HEPH: variants seen among roughly 807,000 people sequenced by gnomAD.
HEPH encodes the protein hephaestin.
Under a neutral mutation model 80.8 loss-of-function variants are expected in HEPH, and 69 were observed. The observed-to-expected ratio is 0.85, with a 90% confidence interval of 0.70 to 1.04. The LOEUF (loss-of-function observed/expected upper bound fraction) is 1.04, where lower values mean the gene tolerates loss of function less well. Ranked by LOEUF, HEPH falls within the 50% of genes least tolerant of loss-of-function variation. The probability of loss-of-function intolerance (pLI) is 0.00; values close to 1 mark genes in which losing one functional copy is unlikely to be tolerated. For missense variants in HEPH, 1,115 were observed against 891.3 expected, an observed-to-expected ratio of 1.25 and a Z score of -3.20; for synonymous variants, 431 against 322.8, an observed-to-expected ratio of 1.34 and a Z score of -3.60.
chrX:66,166,733 TTGTC>T (rs1250800236), intron 1 of HEPH, among the ~76,000 whole-genome samples: 1 of 112,064 alleles, frequency 8.9e-6, no homozygotes, highest in African/African-American at 3.2e-5. Context: ...AAACCTAAGT[TTGTC>T]TGACTCAAAA....
At chrX:66,170,953 C>T (rs2086570342) in intron 2 of HEPH, among the ~76,000 whole-genome samples, 1 of 111,402 alleles carries the variant, frequency 9.0e-6, no homozygotes, top group Non-Finnish European at 1.9e-5. Flanking sequence ...TTTTAGAGTC[C>T]TAAAGAGAAT....
chrX:66,209,713 G>A (rs1192397806), intron 15 of HEPH, among the ~76,000 whole-genome samples: 3 of 111,921 alleles, frequency 2.7e-5, no homozygotes, highest in African/African-American at 9.7e-5. Context: ...GGTGTTTTTG[G>A]AGAAAGATTC....
In HEPH at chrX:66,260,926, A is replaced by G. The variant is rs748238378; in HGVS notation, c.3199+664A>G. Among the ~76,000 whole-genome samples, 9 of 108,961 alleles carry G rather than the reference A, an allele frequency of 8.3e-5. No individual in the cohort carries two copies. In the South Asian group the frequency reaches 3.6e-3, roughly 43 times the overall value. The allele number at this position is 108,961 out of a possible 115,157, so 94.6% of individuals were successfully genotyped here. A position where few individuals can be genotyped will look rare whatever the true frequency, so the allele number is the denominator to read the frequency against. ...GGACTGCAGGAATGTGCCACCACAT[A>G]AGGCTAATTTTTATACTTTTTGTAG... On this transcript the variant is annotated intron_variant, in intron 19 of 20. Coordinates refer to ENST00000343002, the MANE Select transcript of HEPH (RefSeq NM_001367233.3).
intron 15 of HEPH, among the ~76,000 whole-genome samples, chrX:66,208,954 A>G (rs930114574): frequency 2.7e-5 from 3 of 109,487 alleles, no homozygotes; most frequent in African/African-American, 9.9e-5. Flanking sequence ...CCCCAGTCAC[A>G]TACTAAGCTC....
chrX:66,238,783 C>A (rs1401617926), intron 15 of HEPH, among the ~76,000 whole-genome samples: 3 of 111,923 alleles, frequency 2.7e-5, no homozygotes, highest in Admixed American at 9.5e-5. Flanking sequence ...GAGCCCCAAA[C>A]AGAGATTTAC....
chrX:66,189,747 C>A lies in HEPH; in HGVS notation c.872C>A (p.Ala291Asp). Residue 291 changes from alanine (A) to aspartate (D), a missense_variant, in exon 6 of 21, where the codon GCC becomes GAC. Physicochemically the swap from Ala to Asp is moderately radical, Grantham distance 126. Coordinates refer to ENST00000343002, the MANE Select transcript of HEPH (RefSeq NM_001367233.3). Reference sequence around the variant, plus strand: ...AACATGTGTGCACAGAAACGTGTGGCCTGGCACTTGTTTGGCATGGGCAAT... The same window carrying A: ...AACATGTGTGCACAGAAACGTGTGGACTGGCACTTGTTTGGCATGGGCAAT... ...ELNMCAQKRV[A>D]WHLFGMGNEI... 8.3e-7 allele frequency: 1 copy of A among 1,210,966 alleles called. No homozygotes were observed.
At position 66,267,083 on chromosome X, in the gene HEPH, G is replaced by C. The variant is rs1269528477; in HGVS notation, c.*411G>C. ...AAATTTCACTTTGAACTGAGGCCAA[G>C]TGAGCTGTTAAGATAACCCACACTT... On this transcript the variant is annotated 3_prime_UTR_variant, in exon 21 of 21. Coordinates refer to ENST00000343002, the MANE Select transcript of HEPH (RefSeq NM_001367233.3). 7.4e-6 allele frequency: 1 copy of C among 135,123 alleles called. No homozygotes were observed. Among genetic ancestry groups the C allele is most frequent in the Non-Finnish European group, 1.5e-5 (1 of 66,735 alleles). 11.1% of individuals were successfully genotyped at this position (135,123 alleles called of 1,213,427 possible).
In HEPH at chrX:66,256,344, A is replaced by G; in HGVS notation, c.2896+14A>G. 8.8e-7 allele frequency: 1 copy of G among 1,138,268 alleles called. No homozygotes were observed. Among genetic ancestry groups the G allele is most frequent in the Non-Finnish European group, 1.2e-6 (1 of 831,508 alleles). The allele number at this position is 1,138,268 out of a possible 1,213,427, so 93.8% of individuals were successfully genotyped here. The stretch of plus-strand genomic sequence containing the variant: ...ATAAAATGCATGGTCAGTAGTAAAA[A>G]ACCTACTCTTGTTCCAAAGCAGTCC... On this transcript the variant is annotated intron_variant, in intron 17 of 20. Coordinates refer to ENST00000343002, the MANE Select transcript of HEPH (RefSeq NM_001367233.3).
chrX:66,231,739 T>G (rs2090153212), intron 15 of HEPH, among the ~76,000 whole-genome samples: 1 of 107,944 alleles, frequency 9.3e-6, no homozygotes, highest in Non-Finnish European at 1.9e-5. Context: ...ACAATTTGAC[T>G]TCCTCTTTTC....
intron 15 of HEPH, among the ~76,000 whole-genome samples, chrX:66,218,594 TAAA>T (rs1439910210): frequency 1.8e-5 from 2 of 111,951 alleles, no homozygotes; most frequent in Non-Finnish European, 3.8e-5. Flanking sequence ...GACACTGAGT[TAAA>T]GAAGTAAGGG....
At chrX:66,162,829 T>A (rs779307223), upstream of HEPH, 110 of 1,153,804 alleles carry the variant, frequency 9.5e-5, no homozygotes, top group Non-Finnish European at 1.2e-4. Flanking sequence ...GTGCCCAGCC[T>A]GCCTGGAGAA....
chrX:66,200,999 G>C (rs1410876126), intron 12 of HEPH, among the ~76,000 whole-genome samples: 1 of 111,747 alleles, frequency 8.9e-6, no homozygotes, highest in African/African-American at 3.3e-5. Flanking sequence ...ACAACAGAAG[G>C]GAAGTTGGGA....
intron 15 of HEPH, among the ~76,000 whole-genome samples, chrX:66,208,654 A>G (rs1163413268): frequency 1.4e-5 from 1 of 71,437 alleles, no homozygotes; most frequent in Non-Finnish European, 2.3e-5. Flanking sequence ...ATATATATAT[A>G]TATATATATA....
At chrX:66,220,513 A>T (rs2089598960) in intron 15 of HEPH, among the ~76,000 whole-genome samples, 1 of 111,587 alleles carries the variant, frequency 9.0e-6, no homozygotes, top group Non-Finnish European at 1.9e-5. Context: ...CCTTTTCTGA[A>T]GGTGGACAGC....
intron 17 of HEPH, among the ~76,000 whole-genome samples, chrX:66,257,347 C>T (rs963375756): frequency 8.9e-6 from 1 of 111,755 alleles, no homozygotes; most frequent in Non-Finnish European, 1.9e-5. Context: ...ACCTACCTAT[C>T]GATCGAGCAG....
chrX:66,238,323 C>T (rs940854637), intron 15 of HEPH, among the ~76,000 whole-genome samples: 4 of 111,254 alleles, frequency 3.6e-5, no homozygotes, highest in African/African-American at 1.3e-4. Flanking sequence ...GGAGCAAATT[C>T]CCTTGACATT....
intron 1 of HEPH, among the ~76,000 whole-genome samples, chrX:66,165,627 G>A (rs2086320715): frequency 9.0e-6 from 1 of 111,484 alleles, no homozygotes; most frequent in Non-Finnish European, 1.9e-5. Context: ...CCAGACCCAG[G>A]TGACACTGGG....
intron 15 of HEPH, among the ~76,000 whole-genome samples, chrX:66,250,916 C>G (rs1181334821): frequency 8.9e-6 from 1 of 112,100 alleles, no homozygotes; most frequent in Non-Finnish European, 1.9e-5. Flanking sequence ...CAGAGTCTCG[C>G]TCTGTCACTT....
At chrX:66,246,486 G>T (rs1569397755) in intron 15 of HEPH, among the ~76,000 whole-genome samples, 1 of 111,080 alleles carries the variant, frequency 9.0e-6, no homozygotes, top group Non-Finnish European at 1.9e-5. Context: ...TGTCAGTGCT[G>T]GTCTATTCTG....
Sources: gnomAD v4.1 joint callset for allele counts (sites outside exome capture counted in the v4.1 genomes callset) on GRCh38, gnomAD v4.1.1 for gene constraint, MANE v1.5 for transcripts, NCBI Gene and HGNC (gene_info 2026-07-23, HGNC 2026-07-21) for gene names.